TRMT6: variants seen among roughly 807,000 people sequenced by gnomAD.
TRMT6 encodes tRNA (adenine(58)-N(1))-methyltransferase non-catalytic subunit TRM6.
In TRMT6, 34 loss-of-function variants were observed where a neutral mutation model predicts 59.0. The observed-to-expected ratio is 0.58, with a 90% confidence interval of 0.44 to 0.77. TRMT6 has a LOEUF of 0.77. TRMT6 is among the 30% of genes least tolerant of loss of function. The pLI is 0.00. For synonymous variants in TRMT6, 217 were observed against 210.5 expected, an observed-to-expected ratio of 1.03 and a Z score of -0.27; for missense variants, 575 against 604.5, an observed-to-expected ratio of 0.95 and a Z score of 0.51.
Position 5,942,528 on chromosome 20 carries a change from G to A in TRMT6, c.926C>T (p.Ala309Val). The A allele has an allele frequency of 6.2e-7, 1 of 1,613,864 alleles. No homozygotes were observed. ...GTCTTCTGGGTGGTTGCTCTCTGGGGCCTCTGCCATGCTGTCTTCATTCTC... is the reference window on the plus strand; with the variant it reads ...GTCTTCTGGGTGGTTGCTCTCTGGGACCTCTGCCATGCTGTCTTCATTCTC... ...EQENEDSMAEAPESNHPEDQE... is the reference protein window; with the variant it reads ...EQENEDSMAEVPESNHPEDQE... Residue 309 changes from alanine to valine, a missense_variant, in exon 7 of 11, where the codon GCC becomes GTC. Transcript: ENST00000203001.
At chr20:5,949,777 G>A (rs956307182) in intron 1 of TRMT6, among the ~76,000 whole-genome samples, 3 of 152,142 alleles carry the variant, frequency 2.0e-5, no homozygotes, top group Non-Finnish European at 4.4e-5. Context: ...GATTAGGGAA[G>A]AAGGAGGATC....
At chr20:5,949,800 A>C (rs911899177) in intron 1 of TRMT6, among the ~76,000 whole-genome samples, 3 of 152,138 alleles carry the variant, frequency 2.0e-5, no homozygotes, top group African/African-American at 4.8e-5. Context: ...TGGTGGAAAA[A>C]AAGGGGGAAC....
intron 6 of TRMT6, 31 bp downstream of exon 6, chr20:5,943,528 T>A (rs371800916): frequency 1.5e-4 from 248 of 1,612,308 alleles, no homozygotes; most frequent in Non-Finnish European, 2.0e-4. Flanking sequence ...CAGGGTGGGG[T>A]TTTGTTGAAA....
At chr20:5,950,224 G>A (rs1045145766) in intron 1 of TRMT6, 54 bp downstream of exon 1, 3 of 1,497,708 alleles carry the variant, frequency 2.0e-6, no homozygotes, top group Non-Finnish European at 2.7e-6. Context: ...CTGGAGGGAG[G>A]GGGTATCTAC....
chr20:5,944,131 T>C, intron 4 of TRMT6, 31 bp downstream of exon 4: 1 of 1,374,614 alleles, frequency 7.3e-7, no homozygotes, highest in South Asian at 1.4e-5. Context: ...AAGTTTAATA[T>C]TGTGGGCCTT....
In TRMT6 at chr20:5,938,296, T is replaced by TA; in HGVS notation, c.*238dup. ...TTTGCACAGAATATTTAGAAGTACT[T>TA]AGAGGAGTTTTGTTAAATGCAGTTG... On this transcript the variant is annotated 3_prime_UTR_variant, in exon 11 of 11. Coordinates refer to ENST00000203001, the MANE Select transcript of TRMT6 (RefSeq NM_015939.5). 1 of 424,070 alleles carries TA rather than the reference T, an allele frequency of 2.4e-6. No homozygotes were observed. The highest frequency in any genetic ancestry group is 3.4e-5 in the East Asian group (1 of 29,676). The allele number at this position is 424,070 out of a possible 1,614,324, so 26.3% of individuals were successfully genotyped here.
At position 5,942,686 on chromosome 20, in the gene TRMT6, T is replaced by C. The variant is rs2088668757; in HGVS notation, c.768A>G (p.Glu256=). The C allele has an allele frequency of 6.2e-7, 1 of 1,613,938 alleles. No individual in the cohort carries two copies. The part of the protein sequence containing the change: ...FPKSFLSGLY[E]FPLNKVDSLL... ...GACTGTCCACTTTGTTGAGAGGGAA[T>C]TCATAAAGACCACTGAGAAAAGATT... The change falls in exon 7 of 11, where the codon GAA becomes GAG. Residue 256 remains glutamate (E), a synonymous_variant. Transcript: ENST00000203001.
chr20:5,942,918 G>A (rs2088671329), intron 6 of TRMT6, 132 bp from the exon 7 acceptor site: 4 of 716,250 alleles, frequency 5.6e-6, no homozygotes, highest in Non-Finnish European at 9.5e-6. Context: ...GAAGGATGGT[G>A]CAGCTCCTCA....
chr20:5,938,778 G>C, intron 10 of TRMT6, 52 bp from the exon 11 acceptor site: 2 of 1,522,738 alleles, frequency 1.3e-6, no homozygotes, highest in Non-Finnish European at 1.8e-6. Context: ...TAAAGTCCAT[G>C]CTAACAACAC....
At chr20:5,942,818 G>A (rs181004189) in intron 6 of TRMT6, 32 bp from the exon 7 acceptor site, 373 of 1,552,318 alleles carry the variant, frequency 2.4e-4, no homozygotes, top group Non-Finnish European at 1.8e-4. Context: ...ACATCTGCCC[G>A]TGGAGTGACT....
chr20:5,941,578 A>G, intron 8 of TRMT6: 1 of 561,754 alleles, frequency 1.8e-6, no homozygotes, highest in Non-Finnish European at 3.2e-6. Context: ...AGTCGCATTT[A>G]ATGACATTCT....
At chr20:5,939,322 A>C (rs2088635870) in intron 10 of TRMT6, among the ~76,000 whole-genome samples, 1 of 152,002 alleles carries the variant, frequency 6.6e-6, no homozygotes, top group South Asian at 2.1e-4. Context: ...CTCTACTAAA[A>C]ATACAAAAAT....
chr20:5,944,635 A>G (rs1232648826), intron 3 of TRMT6, among the ~76,000 whole-genome samples, 170 bp downstream of exon 3: 2 of 152,252 alleles, frequency 1.3e-5, no homozygotes, highest in African/African-American at 4.8e-5. Context: ...TCCTGTATAT[A>G]AGACATAAAA....
intron 10 of TRMT6, among the ~76,000 whole-genome samples, chr20:5,939,039 G>A (rs2088633751): frequency 6.6e-6 from 1 of 151,970 alleles, no homozygotes; most frequent in East Asian, 1.9e-4. Flanking sequence ...CTGGCCTCAA[G>A]TGAACCTCCC....
At position 5,942,519 on chromosome 20, in the gene TRMT6, C is replaced by T. The variant is rs1363529853; in HGVS notation, c.935G>A (p.Ser312Asn). Reference protein sequence around the residue: ...NEDSMAEAPESNHPEDQETME... With the variant: ...NEDSMAEAPENNHPEDQETME... ...TGTTTCCTGGTCTTCTGGGTGGTTG[C>T]TCTCTGGGGCCTCTGCCATGCTGTC... Residue 312 changes from serine (S) to asparagine (N), a missense_variant, in exon 7 of 11, where the codon AGC becomes AAC. Transcript: ENST00000203001. 1.9e-6 allele frequency: 3 copies of T among 1,613,924 alleles called. No individual in the cohort carries two copies. Among genetic ancestry groups the T allele is most frequent in the Non-Finnish European group, 2.5e-6 (3 of 1,180,008 alleles).
rs1216239766 is a variant in TRMT6 at position 5,937,950 on chromosome 20, T to G, written c.*585A>C. 2 of 152,178 alleles carry G rather than the reference T, an allele frequency of 1.3e-5. No homozygotes were observed. The highest frequency in any genetic ancestry group is 2.9e-5 in the Non-Finnish European group (2 of 68,036). The allele number at this position is 152,178 out of a possible 1,614,324, so 9.4% of individuals were successfully genotyped here. On this transcript the variant is annotated 3_prime_UTR_variant, in exon 11 of 11. Coordinates refer to ENST00000203001, the MANE Select transcript of TRMT6 (RefSeq NM_015939.5). ...GCAAAAAAGTACCCTACTAAACCTT[T>G]CTATGCACAAAAAAGAGCAGTAAAA...
intron 7 of TRMT6, 135 bp from the exon 8 acceptor site, chr20:5,942,171 G>C: frequency 1.2e-6 from 1 of 850,986 alleles, no homozygotes; most frequent in Non-Finnish European, 1.9e-6. Flanking sequence ...TGTTTATAAG[G>C]AAGTTGCAAA....
In TRMT6 at chr20:5,944,244, G is replaced by T; in HGVS notation, c.376C>A (p.Gln126Lys). 2 of 1,557,144 alleles carry T rather than the reference G, an allele frequency of 1.3e-6. No individual in the cohort carries two copies. Among genetic ancestry groups the T allele is most frequent in the South Asian group, 1.2e-5 (1 of 81,182 alleles). The change falls in exon 4 of 11, where the codon CAG becomes AAG. Residue 126 changes from glutamine to lysine, a missense_variant. By Grantham distance (53) the Gln-to-Lys change is moderately conservative (BLOSUM62 1). Coordinates refer to ENST00000203001, the MANE Select transcript of TRMT6 (RefSeq NM_015939.5). ...DKGIKGEEIVQQLIENSTTFR... is the reference protein window; with the variant it reads ...DKGIKGEEIVKQLIENSTTFR... ...GTTGTACTATTTTCAATTAACTGCT[G>T]AACTATTTCCTATAAGAAAAGGAGC...
rs1270988132 is a variant in TRMT6, at chr20:5,938,512, A to C, written c.*23T>G. The C allele has an allele frequency of 1.9e-6, 3 of 1,601,566 alleles. No individual in the cohort carries two copies. The highest frequency in any genetic ancestry group is 1.7e-4 in the Middle Eastern group (1 of 5,980). On this transcript the variant is annotated 3_prime_UTR_variant, in exon 11 of 11. Coordinates refer to ENST00000203001, the MANE Select transcript of TRMT6 (RefSeq NM_015939.5). ...TAACTGTATAATGCCTGAGAACAAA[A>C]TTCAGAGCAATTCTCAAAAGGGTTA...
Sources: allele counts gnomAD v4.1 joint callset (sites outside exome capture counted in the v4.1 genomes callset), GRCh38; gene constraint gnomAD v4.1.1; transcripts MANE v1.5; gene names NCBI Gene and HGNC (gene_info 2026-07-23, HGNC 2026-07-21).